Variants in RNF213 observed in about 807,000 individuals in gnomAD.
RNF213 encodes the protein ring finger protein 213.
Under a neutral mutation model 514.4 loss-of-function variants are expected in RNF213, and 341 were observed. The ratio of observed to expected loss-of-function variants is 0.66; its 90% CI spans 0.61 to 0.73. The LOEUF is 0.73. RNF213 is among the 30% of genes least tolerant of loss of function. The pLI is 0.00. For synonymous variants in RNF213, 2,655 were observed against 2,658.2 expected (o/e 1.00, Z 0.04); for missense variants, 5,767 against 6,615.6 (o/e 0.87, Z 4.45).
At position 80,383,748 on chromosome 17, in the gene RNF213, G is replaced by A. The variant is rs762924359; in HGVS notation, c.14142G>A (p.Val4714=). Residue 4714 remains valine, a synonymous_variant, in exon 59 of 68, where the codon GTG becomes GTA. Coordinates refer to ENST00000582970, the MANE Select transcript of RNF213 (RefSeq NM_001256071.3). Reference sequence around the variant, plus strand: ...ATAAGCGTATCAGCTCTAACCCTGTGGCCAAAATAATATATGGTGACCCAG... The same window carrying A: ...ATAAGCGTATCAGCTCTAACCCTGTAGCCAAAATAATATATGGTGACCCAG... The part of the protein sequence containing the change: ...SQDKRISSNP[V]AKIIYGDPVT... 4.3e-6 allele frequency: 7 copies of A among 1,613,914 alleles called. No homozygotes were observed. In the South Asian group the frequency reaches 7.7e-5, roughly 18 times the overall value.
intron 17 of RNF213, chr17:80,320,548 A>T (rs1410165929): frequency 6.6e-6 from 1 of 152,002 alleles, no homozygotes; most frequent in Non-Finnish European, 1.5e-5. Flanking sequence ...GTGCCGCCAC[A>T]CTCGGTTCCT....
At chr17:80,357,401 G>A (rs1411600537) in intron 36 of RNF213, among the ~76,000 whole-genome samples, 1 of 151,908 alleles carries the variant, frequency 6.6e-6, no homozygotes, top group Non-Finnish European at 1.5e-5. Context: ...CTGTCCGTCC[G>A]CCCATCTATC....
intron 3 of RNF213, among the ~76,000 whole-genome samples, chr17:80,275,543 G>A (rs922397567): frequency 7.2e-5 from 11 of 152,114 alleles, no homozygotes; most frequent in African/African-American, 9.7e-5. Context: ...CGAGCAGGAC[G>A]CACTCGAAAA....
intron 57 of RNF213, chr17:80,382,140 C>G (rs2080033717): frequency 4.6e-6 from 1 of 218,202 alleles, no homozygotes; most frequent in Admixed American, 5.2e-5. Context: ...CAATCACCAT[C>G]ACAGTTGTGT....
rs764615402 is a variant in RNF213 at position 80,353,759 on chromosome 17, C to G, written c.10578+93C>G. 1 of 1,539,958 alleles carries G rather than the reference C, an allele frequency of 6.5e-7. No individual in the cohort carries two copies. Among genetic ancestry groups the G allele is most frequent in the Non-Finnish European group, 9.0e-7 (1 of 1,114,604 alleles). The stretch of plus-strand genomic sequence containing the variant: ...CTTTTGCATTGGGAGCTAGAGGAGT[C>G]GCCGCCGCTGTGCAGGGGTGAGGAT... On this transcript the variant is annotated intron_variant, in intron 34 of 67. Coordinates refer to ENST00000582970, the MANE Select transcript of RNF213 (RefSeq NM_001256071.3). The surrounding 1 kb of genome is among the most constrained non-coding windows in gnomAD (Gnocchi z 5.0).
At chr17:80,284,255 T>C (rs1844341314) in intron 3 of RNF213, among the ~76,000 whole-genome samples, 1 of 151,880 alleles carries the variant, frequency 6.6e-6, no homozygotes, top group Admixed American at 6.6e-5. Flanking sequence ...TCCCAGCTAC[T>C]TGGGAGGCTG....
rs1244181739 is a variant in RNF213 at position 80,346,393 on chromosome 17, G to C, written c.8058G>C (p.Met2686Ile). 4 of 1,613,184 alleles carry C rather than the reference G, an allele frequency of 2.5e-6. No individual in the cohort carries two copies. The African/African-American group carries it at 5.3e-5, about 22-fold the overall frequency. The change falls in exon 29 of 68, where the codon ATG (methionine) becomes ATC (isoleucine). Residue 2686 changes from methionine (M) to isoleucine (I), a missense_variant. Physicochemically the swap from Met to Ile is conservative, Grantham distance 10. Around this residue, in one of 13 missense-constraint regions of RNF213, gnomAD observed 1,377 missense variants for 1,635.2 expected, o/e 0.84. Transcript: ENST00000582970. This position sits in a 1 kb window ranked among gnomAD's most constrained non-coding sequence, Gnocchi z 8.1. ...GAGATCCCGTCCTCTGGTCGTTGATGCTGGCCATCGGGGTGTGTTACCATG... is the reference window on the plus strand; with the variant it reads ...GAGATCCCGTCCTCTGGTCGTTGATCCTGGCCATCGGGGTGTGTTACCATG... ...TERDPVLWSL[M>I]LAIGVCYHAS...
At position 80,363,200 on chromosome 17, in the gene RNF213, C is replaced by A. The variant is rs2079120401; in HGVS notation, c.11454C>A (p.Tyr3818Ter). Residue 3818 changes from tyrosine (Y) to a stop codon, truncating the protein, a stop_gained, in exon 40 of 68, where the codon TAC becomes TAA. Transcript: ENST00000582970. LOFTEE classifies it high-confidence loss of function. ...CCTTACCGTGGGTGCACCTTGCCTA[C>A]CAGCGTTTCAGAAGCCGTCTGCAGA... ...EVSLPWVHLAYQRFRSRLQNF... is the reference protein window; with the variant it reads ...EVSLPWVHLA 1.2e-6 allele frequency: 2 copies of A among 1,614,234 alleles called. No homozygotes were observed. The highest frequency in any genetic ancestry group is 1.7e-6 in the Non-Finnish European group (2 of 1,180,040).
intron 3 of RNF213, among the ~76,000 whole-genome samples, chr17:80,274,256 T>C (rs2145156030): frequency 6.6e-6 from 1 of 152,142 alleles, no homozygotes; most frequent in South Asian, 2.1e-4. Flanking sequence ...TTTGGCTCCC[T>C]CTGGCCTTGA....
Position 80,355,623 on chromosome 17 carries a change from A to T in RNF213, c.10862+1047A>T, listed in dbSNP as rs1481091031. Among the ~76,000 whole-genome samples the T allele has an allele frequency of 1.5e-4, 6 of 40,096 alleles. 1 individual carries two copies. Among genetic ancestry groups the T allele is most frequent in the South Asian group, 1.1e-3 (1 of 900 alleles). 26.3% of individuals were successfully genotyped at this position (40,096 alleles called of 152,430 possible). The stretch of plus-strand genomic sequence containing the variant: ...AGGGGAAGAAGCGGGGTGAGTGGGA[A>T]TGGGGGCTTACAGGGGAAGAAGCGG... On this transcript the variant is annotated intron_variant, in intron 36 of 67. Transcript: ENST00000582970.
chr17:80,309,204 C>T (rs772226803), intron 14 of RNF213, 33 bp downstream of exon 14: 36 of 1,613,312 alleles, frequency 2.2e-5, no homozygotes, highest in Non-Finnish European at 2.5e-5. Flanking sequence ...GTATCACACC[C>T]GGGATAGGTG....
chr17:80,314,154 G>GTGGTGTAGGTGA (rs2045728185), intron 15 of RNF213, among the ~76,000 whole-genome samples: 1 of 129,190 alleles, frequency 7.7e-6, no homozygotes, highest in Admixed American at 7.2e-5. Context: ...GGTGATGGTG[G>GTGGTGTAGGTGA]TGGTGTAGGT....
At chr17:80,336,675 A>G (rs763966774) in intron 23 of RNF213, 14 of 398,380 alleles carry the variant, frequency 3.5e-5, no homozygotes, top group African/African-American at 8.2e-5. Flanking sequence ...AATGGTTGTA[A>G]TTGTCATTTT....
chr17:80,354,496 A>G lies in RNF213; in HGVS notation c.10782A>G (p.Glu3594=). 6.2e-7 allele frequency: 1 copy of G among 1,614,234 alleles called. No individual in the cohort carries two copies. Among genetic ancestry groups the G allele is most frequent in the Non-Finnish European group, 8.5e-7 (1 of 1,180,042 alleles). The change falls in exon 36 of 68, where the codon GAA becomes GAG. Residue 3594 remains glutamate (E), a synonymous_variant. Coordinates refer to ENST00000582970, the MANE Select transcript of RNF213 (RefSeq NM_001256071.3). ...MRLSVFLKKQ[E]ESQFHPLEWL... ...TCAGTGTCTTTTTAAAGAAGCAAGAAGAGAGCCAGTTTCACCCTCTGGAGT... is the reference window on the plus strand; with the variant it reads ...TCAGTGTCTTTTTAAAGAAGCAAGAGGAGAGCCAGTTTCACCCTCTGGAGT...
At chr17:80,366,131 G>T (rs887851063) in intron 42 of RNF213, among the ~76,000 whole-genome samples, 4 of 152,266 alleles carry the variant, frequency 2.6e-5, no homozygotes, top group Non-Finnish European at 5.9e-5. Context: ...AGAGGCTTGG[G>T]GGAAAGCCCT....
intron 28 of RNF213, 33 bp downstream of exon 28, chr17:80,344,048 G>A (rs767830043): frequency 6.2e-7 from 1 of 1,603,316 alleles, no homozygotes; most frequent in East Asian, 2.2e-5. Flanking sequence ...GCCTGGCGTG[G>A]GGGGCTCTTG....
At chr17:80,278,579 C>T in intron 3 of RNF213, among the ~76,000 whole-genome samples, 1 of 152,202 alleles carries the variant, frequency 6.6e-6, no homozygotes, top group East Asian at 1.9e-4. Context: ...TCTTCCCACA[C>T]CCTCCTGCCC....
At chr17:80,290,079 G>GA (rs1231688292) in intron 6 of RNF213, among the ~76,000 whole-genome samples, 1 of 152,262 alleles carries the variant, frequency 6.6e-6, no homozygotes, top group African/African-American at 2.4e-5. Flanking sequence ...GAACTCAGGA[G>GA]AGGGGCTGTT....
chr17:80,333,810 C>T, intron 21 of RNF213: 1 of 367,742 alleles, frequency 2.7e-6, no homozygotes. Flanking sequence ...GAAAAAGCAA[C>T]AGTAGTTACT....
Sources: allele counts gnomAD v4.1 joint callset (sites outside exome capture counted in the v4.1 genomes callset), GRCh38; gene constraint gnomAD v4.1.1; regional missense constraint gnomAD v4.1.1; non-coding constraint Gnocchi (gnomAD v3.1); transcripts MANE v1.5; gene names NCBI Gene and HGNC (gene_info 2026-07-23, HGNC 2026-07-21).